Variants in ASIC2 observed in about 807,000 individuals in gnomAD.
ASIC2 encodes acid-sensing ion channel 2.
Under a neutral mutation model 57.3 loss-of-function variants are expected in ASIC2, and 25 were observed. The ratio of observed to expected loss-of-function variants is 0.44; its 90% CI spans 0.32 to 0.61. ASIC2 has a LOEUF of 0.61. Among genes scored for constraint, ASIC2 ranks in the 20% least tolerant of loss-of-function variants. ASIC2 has a pLI of 0.06. For missense variants in ASIC2, 641 were observed against 738.1 expected (o/e 0.87, Z 1.52); for synonymous variants, 319 against 307.5 (o/e 1.04, Z -0.39).
chr17:33,817,907 T>C (rs959977869), intron 1 of ASIC2, among the ~76,000 whole-genome samples: 5 of 152,128 alleles, frequency 3.3e-5, no homozygotes, highest in African/African-American at 1.2e-4. Flanking sequence ...TGCTACTGCT[T>C]GGGCATCTTT....
At chr17:33,346,166 G>A (rs980285637) in intron 1 of ASIC2, among the ~76,000 whole-genome samples, 5 of 134,128 alleles carry the variant, frequency 3.7e-5, no homozygotes, top group Non-Finnish European at 6.2e-5. Flanking sequence ...GGCGGAGGTT[G>A]CAATGAACCG....
chr17:33,455,660 T>C (rs1597733930), intron 1 of ASIC2, among the ~76,000 whole-genome samples: 1 of 152,218 alleles, frequency 6.6e-6, no homozygotes, highest in African/African-American at 2.4e-5. Context: ...GCTTCTTTGA[T>C]GGTTGCTAAC....
intron 1 of ASIC2, among the ~76,000 whole-genome samples, chr17:33,269,463 G>A (rs1309431930): frequency 6.6e-6 from 1 of 152,134 alleles, no homozygotes; most frequent in Non-Finnish European, 1.5e-5. Flanking sequence ...GGGGCTTCAG[G>A]TGATCATCAC....
At chr17:33,556,085 A>T (rs1162460105) in intron 1 of ASIC2, among the ~76,000 whole-genome samples, 1 of 152,230 alleles carries the variant, frequency 6.6e-6, no homozygotes, top group Admixed American at 6.5e-5. Context: ...CAATGTGGAC[A>T]CTGGTTTCCC....
chr17:33,162,583 A>G (rs1905192750), intron 1 of ASIC2, among the ~76,000 whole-genome samples: 1 of 151,594 alleles, frequency 6.6e-6, no homozygotes, highest in Admixed American at 6.6e-5. Context: ...CCTGATCCCC[A>G]CTCTGGAATG....
chr17:33,734,358 C>T (rs750010900), intron 1 of ASIC2, among the ~76,000 whole-genome samples: 43 of 152,284 alleles, frequency 2.8e-4, no homozygotes, highest in Non-Finnish European at 4.7e-4. Context: ...GTCGAACCTT[C>T]CTCCCGTGCT....
In ASIC2 at chr17:33,480,370, A is replaced by T. The variant is rs957469556; in HGVS notation, c.556-368303T>A. On this transcript the variant is annotated intron_variant, in intron 1 of 9. Transcript: ENST00000359872. ...GCTCAGTCTTCTCCAAGGAGGTAAC[A>T]ATTCCAGTTGAGACTTGAAGGACAG... 2.6e-5 allele frequency among the ~76,000 whole-genome samples: 4 copies of T among 152,218 alleles called. No homozygotes were observed. In the East Asian group the frequency reaches 7.7e-4, roughly 29 times the overall value.
chr17:33,277,576 T>C (rs1193949206), intron 1 of ASIC2, among the ~76,000 whole-genome samples: 1 of 152,130 alleles, frequency 6.6e-6, no homozygotes, highest in Non-Finnish European at 1.5e-5. Context: ...GACCTAACGT[T>C]TTGGAGGCTG....
intron 1 of ASIC2, among the ~76,000 whole-genome samples, chr17:33,182,989 C>T (rs1009312167): frequency 6.6e-6 from 1 of 152,174 alleles, no homozygotes; most frequent in Non-Finnish European, 1.5e-5. Context: ...TTCATTTATT[C>T]AAACAGTGCA....
At chr17:33,278,794 C>T (rs1904820177) in intron 1 of ASIC2, among the ~76,000 whole-genome samples, 2 of 151,606 alleles carry the variant, frequency 1.3e-5, no homozygotes, top group South Asian at 2.1e-4. Context: ...TTTCCTGTTT[C>T]GACAATTCAA....
At chr17:33,799,454 C>CTT (rs1316252590) in intron 1 of ASIC2, among the ~76,000 whole-genome samples, 9 of 89,154 alleles carry the variant, frequency 1.0e-4, no homozygotes, top group African/African-American at 3.6e-4. Context: ...TTCTTTCTTT[C>CTT]TTTCTTTCTT....
chr17:33,891,739 T>G (rs892959850), intron 1 of ASIC2, among the ~76,000 whole-genome samples: 5 of 152,170 alleles, frequency 3.3e-5, no homozygotes, highest in Non-Finnish European at 7.3e-5. Context: ...TACTGCTGGC[T>G]TCGTGTTTTT....
chr17:33,851,594 G>T (rs542487977), intron 1 of ASIC2, among the ~76,000 whole-genome samples: 142 of 152,328 alleles, frequency 9.3e-4, no homozygotes, highest in South Asian at 2.5e-3. Flanking sequence ...GAAAGGATTT[G>T]TTTAAAGGTC....
chr17:33,598,430 G>T (rs1905039586), intron 1 of ASIC2, among the ~76,000 whole-genome samples: 1 of 152,190 alleles, frequency 6.6e-6, no homozygotes, highest in Admixed American at 6.5e-5. Flanking sequence ...TGGAGCTTGA[G>T]CTTCTTTCTG....
At chr17:34,104,821 T>TTATGA (rs148148075) in intron 1 of ASIC2, among the ~76,000 whole-genome samples, 33,625 of 151,846 alleles carry the variant, frequency 0.22, 5,410 homozygotes, top group African/African-American at 0.46. Context: ...ATTTAATTGG[T>TTATGA]TATAATATTC....
At chr17:33,243,590 G>A (rs319752) in intron 1 of ASIC2, among the ~76,000 whole-genome samples, 16,254 of 152,170 alleles carry the variant, frequency 0.11, 884 homozygotes, top group Middle Eastern at 0.16. Context: ...ATCAGTAATT[G>A]TGTGTGGAAT....
At chr17:33,905,376 A>T (rs1427444333) in intron 1 of ASIC2, among the ~76,000 whole-genome samples, 1 of 151,964 alleles carries the variant, frequency 6.6e-6, no homozygotes, top group Admixed American at 6.6e-5. Flanking sequence ...CCCACATCTC[A>T]CTGGAAATTA....
At chr17:33,358,599 A>G (rs568223670) in intron 1 of ASIC2, among the ~76,000 whole-genome samples, 3 of 152,348 alleles carry the variant, frequency 2.0e-5, no homozygotes, top group Non-Finnish European at 4.4e-5. Context: ...TGCTTTTTCC[A>G]TGACAATGAA....
At chr17:33,625,821 T>C (rs1905965971) in intron 1 of ASIC2, among the ~76,000 whole-genome samples, 1 of 152,228 alleles carries the variant, frequency 6.6e-6, no homozygotes, top group Admixed American at 6.5e-5. Flanking sequence ...CTGCTTAGCT[T>C]GCAGACGCTT....
Sources: allele counts gnomAD v4.1 joint callset (sites outside exome capture counted in the v4.1 genomes callset), GRCh38; gene constraint gnomAD v4.1.1; transcripts MANE v1.5; gene names NCBI Gene and HGNC (gene_info 2026-07-23, HGNC 2026-07-21).